The following SMOC2 variants were observed in gnomAD, a reference collection of about 807,000 sequenced individuals.
SMOC2 encodes the protein SPARC related modular calcium binding 2.
Under a neutral mutation model 61.4 loss-of-function variants are expected in SMOC2, and 39 were observed. The ratio of observed to expected loss-of-function variants is 0.64; its 90% confidence interval spans 0.49 to 0.83. The LOEUF (loss-of-function observed/expected upper bound fraction) is 0.83, where lower values mean the gene tolerates loss of function less well. Among genes scored for constraint, SMOC2 ranks in the 40% least tolerant of loss-of-function variants. The pLI, the probability that SMOC2 is intolerant of heterozygous loss-of-function variation, is 0.00. For missense variants in SMOC2, 556 were observed against 592.9 expected (o/e 0.94, Z 0.65); for synonymous variants, 247 against 239.9 (o/e 1.03, Z -0.27).
At chr6:168,656,524 A>AAG (rs1554255371) in intron 11 of SMOC2, among the ~76,000 whole-genome samples, 16 of 145,590 alleles carry the variant, frequency 1.1e-4, no homozygotes, top group Non-Finnish European at 2.1e-4. Flanking sequence ...AAAAAAAAAA[A>AAG]AAAAAAGAAA....
rs891749868 is a variant in SMOC2 at position 168,475,570 on chromosome 6, G to A, written c.84+34116G>A. On this transcript the variant is annotated intron_variant, in intron 1 of 12. Transcript: ENST00000356284. This position sits in a 1 kb window ranked among gnomAD's most constrained non-coding sequence, Gnocchi z 4.6. The stretch of plus-strand genomic sequence containing the variant: ...GGCCAGCGTTGCCTTGGGGGACAGG[G>A]CATGAAGGCACATGGGTCTGGAAGG... Among the ~76,000 whole-genome samples, 1 of 152,078 alleles carries A rather than the reference G, an allele frequency of 6.6e-6. No individual in the cohort carries two copies. Among genetic ancestry groups the A allele is most frequent in the Non-Finnish European group, 1.5e-5 (1 of 67,994 alleles).
At chr6:168,655,583 ACCCGGCACATGTGTGCCAGATCC>A (rs1210894428) in intron 11 of SMOC2, 4 of 358,192 alleles carry the variant, frequency 1.1e-5, no homozygotes, top group Non-Finnish European at 1.7e-5. Flanking sequence ...TGTACTAGAT[ACCCGGCACATGTGTGCCAGATCC>A]CCCTGCACAT....
chr6:168,659,874 A>G (rs1414040712), intron 11 of SMOC2, among the ~76,000 whole-genome samples: 1 of 143,480 alleles, frequency 7.0e-6, no homozygotes, highest in East Asian at 2.2e-4. Context: ...GAGGATGGAG[A>G]TTGTTGGCTG....
Position 168,553,515 on chromosome 6 carries a change from C to T in SMOC2, c.637+4312C>T, listed in dbSNP as rs1427956086. ...ATTTCTGCCTGATTTCCTTTAAAAC[C>T]AATCTAAAACTGAAGAGGAGACTGC... On this transcript the variant is annotated intron_variant, in intron 7 of 12. Coordinates refer to ENST00000356284, the MANE Select transcript of SMOC2 (RefSeq NM_001166412.2). This position sits in a 1 kb window ranked among gnomAD's most constrained non-coding sequence, Gnocchi z 4.2. Among the ~76,000 whole-genome samples, 1 of 152,094 alleles carries T rather than the reference C, an allele frequency of 6.6e-6. No individual in the cohort carries two copies. The highest frequency in any genetic ancestry group is 1.5e-5 in the Non-Finnish European group (1 of 68,010).
intron 11 of SMOC2, among the ~76,000 whole-genome samples, chr6:168,658,668 C>T (rs149834124): frequency 7.0e-4 from 106 of 152,176 alleles, no homozygotes; most frequent in Middle Eastern, 3.4e-3. Context: ...CAGCAATTGG[C>T]GGGTTTTCAG....
At chr6:168,605,389 G>A (rs1375977813) in intron 8 of SMOC2, among the ~76,000 whole-genome samples, 2 of 152,116 alleles carry the variant, frequency 1.3e-5, no homozygotes, top group Non-Finnish European at 2.9e-5. Flanking sequence ...GAGAAGAGAC[G>A]TTTGTGTTTT....
chr6:168,628,999 G>C (rs1436326105), intron 9 of SMOC2, among the ~76,000 whole-genome samples: 1 of 152,240 alleles, frequency 6.6e-6, no homozygotes, highest in Non-Finnish European at 1.5e-5. Context: ...CTCCGCGTTG[G>C]CTGGCAGGCA....
At chr6:168,559,507 ATAG>A (rs1290680641) in intron 7 of SMOC2, among the ~76,000 whole-genome samples, 1 of 145,566 alleles carries the variant, frequency 6.9e-6, no homozygotes, top group Non-Finnish European at 1.5e-5. Flanking sequence ...AAATAGTAAC[ATAG>A]TAGAAGAGAT....
chr6:168,513,069 G>A (rs1459525268), intron 2 of SMOC2, among the ~76,000 whole-genome samples: 2 of 152,156 alleles, frequency 1.3e-5, no homozygotes, highest in African/African-American at 4.8e-5. Context: ...GAAAGCATTT[G>A]ACATTCTTTC....
At chr6:168,530,876 G>A (rs1252856101) in intron 4 of SMOC2, among the ~76,000 whole-genome samples, 2 of 152,180 alleles carry the variant, frequency 1.3e-5, no homozygotes, top group Non-Finnish European at 2.9e-5. Context: ...TCCCAGCAGT[G>A]TTCACATGAG....
chr6:168,538,726 C>T (rs567015982), intron 4 of SMOC2, among the ~76,000 whole-genome samples: 2 of 128,322 alleles, frequency 1.6e-5, no homozygotes, highest in East Asian at 2.3e-4. Flanking sequence ...GTGGGGTGAC[C>T]GCTACTGGAA....
At chr6:168,596,963 C>T (rs1026314357) in intron 7 of SMOC2, among the ~76,000 whole-genome samples, 2 of 152,218 alleles carry the variant, frequency 1.3e-5, no homozygotes, top group African/African-American at 4.8e-5. Flanking sequence ...TGAGCACCTA[C>T]TGTGAGATTT....
chr6:168,558,865 GTGTGCA>G (rs1784315670), intron 7 of SMOC2, among the ~76,000 whole-genome samples: 2 of 107,148 alleles, frequency 1.9e-5, no homozygotes, highest in Non-Finnish European at 3.5e-5. Flanking sequence ...GTGCGCATGT[GTGTGCA>G]TGTGTGTGCG....
chr6:168,579,339 C>T (rs1184808437), intron 7 of SMOC2, among the ~76,000 whole-genome samples: 7 of 152,186 alleles, frequency 4.6e-5, no homozygotes, highest in Non-Finnish European at 1.0e-4. Context: ...TGGCTTATGC[C>T]GCCTGTCACA....
At position 168,467,136 on chromosome 6, in the gene SMOC2, AACACACACACACAC is replaced by A. The variant is rs10536582; in HGVS notation, c.84+25715_84+25728del. On this transcript the variant is annotated intron_variant, in intron 1 of 12. Coordinates refer to ENST00000356284, the MANE Select transcript of SMOC2 (RefSeq NM_001166412.2). ...TGTGCTTAACAAATCAGTGCTCTCA[AACACACACACACAC>A]ACACACACACACACACACACACACA... is the stretch of plus-strand genomic sequence containing the variant. Among the ~76,000 whole-genome samples the A allele has an allele frequency of 1.6e-3, 220 of 133,428 alleles. 1 individual carries two copies. The highest frequency in any genetic ancestry group is 5.0e-3 in the African/African-American group (182 of 36,256). 87.5% of individuals were successfully genotyped at this position (133,428 alleles called of 152,430 possible). A position where few individuals can be genotyped will look rare whatever the true frequency, so the allele number is the denominator to read the frequency against.
chr6:168,595,755 T>C (rs1005888047), intron 7 of SMOC2, among the ~76,000 whole-genome samples: 1 of 152,240 alleles, frequency 6.6e-6, no homozygotes, highest in Non-Finnish European at 1.5e-5. Flanking sequence ...TGCTCTAATA[T>C]CTTTAATATT....
intron 1 of SMOC2, among the ~76,000 whole-genome samples, chr6:168,502,563 AT>A (rs1253974933): frequency 6.6e-6 from 1 of 152,140 alleles, no homozygotes; most frequent in Non-Finnish European, 1.5e-5. Context: ...TACCCAGTAA[AT>A]AGAACAAAAA....
Position 168,567,829 on chromosome 6 carries a change from G to A in SMOC2, c.637+18626G>A, listed in dbSNP as rs187800590. 5.3e-5 allele frequency among the ~76,000 whole-genome samples: 8 copies of A among 150,966 alleles called. No homozygotes were observed. In the South Asian group the frequency reaches 8.3e-4, roughly 16 times the overall value. The stretch of plus-strand genomic sequence containing the variant: ...TCTCTTCAGATGAGCAACTACAGGC[G>A]AAGACTGGATGGTGTGAGTCGGTGT... On this transcript the variant is annotated intron_variant, in intron 7 of 12. Coordinates refer to ENST00000356284, the MANE Select transcript of SMOC2 (RefSeq NM_001166412.2).
At position 168,485,072 on chromosome 6, in the gene SMOC2, C is replaced by T. The variant is rs140122091; in HGVS notation, c.85-24843C>T. On this transcript the variant is annotated intron_variant, in intron 1 of 12. Transcript: ENST00000356284. ...ATGTATTTAATATCACTTAACTATG[C>T]GCTTAAAGATAGTTAAGATGGTACA... is the stretch of plus-strand genomic sequence containing the variant. 2.0e-3 allele frequency among the ~76,000 whole-genome samples: 310 copies of T among 151,936 alleles called. 1 individual carries two copies. Among genetic ancestry groups the T allele is most frequent in the African/African-American group, 7.0e-3 (289 of 41,402 alleles).
Sources: allele counts gnomAD v4.1 joint callset (sites outside exome capture counted in the v4.1 genomes callset), GRCh38; gene constraint gnomAD v4.1.1; non-coding constraint Gnocchi (gnomAD v3.1); transcripts MANE v1.5; gene names NCBI Gene and HGNC (gene_info 2026-07-23, HGNC 2026-07-21).